The following DMD variants were observed in gnomAD, a reference collection of about 807,000 sequenced individuals.
The protein encoded by DMD is mutant dystrophin.
DMD carries 63 observed loss-of-function variants against 330.1 expected under a neutral mutation model. That is an observed-to-expected ratio of 0.19 (90% CI 0.16 to 0.24). The LOEUF (loss-of-function observed/expected upper bound fraction) is 0.24, where lower values mean the gene tolerates loss of function less well. Ranked by LOEUF, DMD falls within the 10% of genes least tolerant of loss-of-function variation. The pLI is 1.00. For synonymous variants in DMD, 1,223 were observed against 959.8 expected, an observed-to-expected ratio of 1.27 and a Z score of -5.07; for missense variants, 3,344 against 2,684.1, an observed-to-expected ratio of 1.25 and a Z score of -5.43.
intron 12 of DMD, among the ~76,000 whole-genome samples, chrX:32,607,352 C>T (rs914666096): frequency 9.1e-6 from 1 of 110,324 alleles, no homozygotes; most frequent in Non-Finnish European, 1.9e-5. Flanking sequence ...TTGGTAATCA[C>T]ATTATATTTC....
At chrX:32,047,739 T>C (rs2096073927) in intron 44 of DMD, among the ~76,000 whole-genome samples, 2 of 111,012 alleles carry the variant, frequency 1.8e-5, no homozygotes, top group Non-Finnish European at 3.8e-5. Context: ...AAAACAAAAA[T>C]TTACAGATTA....
Position 32,321,814 on chromosome X carries a change from G to A in DMD, c.5923-11538C>T, listed in dbSNP as rs188923784. Among the ~76,000 whole-genome samples the A allele has an allele frequency of 4.6e-3, 512 of 111,557 alleles. 1 individual carries two copies. The highest frequency in any genetic ancestry group is 5.3e-3 in the Non-Finnish European group (279 of 53,098). Reference sequence around the variant, plus strand: ...AGAAAATAAAGCAAAGGCTTTTTCAGAAGACACAAGGGGCTGGAGAGAAAG... The same window carrying A: ...AGAAAATAAAGCAAAGGCTTTTTCAAAAGACACAAGGGGCTGGAGAGAAAG... On this transcript the variant is annotated intron_variant, in intron 41 of 78. Transcript: ENST00000357033.
At chrX:32,721,829 T>C (rs748631099) in intron 7 of DMD, among the ~76,000 whole-genome samples, 1 of 110,546 alleles carries the variant, frequency 9.0e-6, no homozygotes, top group South Asian at 3.9e-4. Context: ...AGGTCTTATA[T>C]TTAAGTCTTT....
intron 43 of DMD, among the ~76,000 whole-genome samples, chrX:32,229,672 G>C (rs1230657705): frequency 1.5e-5 from 1 of 64,868 alleles, no homozygotes; most frequent in Non-Finnish European, 2.8e-5. Flanking sequence ...ATATCTCAAA[G>C]AGTTTCATCA....
intron 2 of DMD, among the ~76,000 whole-genome samples, chrX:33,017,757 C>A (rs1442693834): frequency 9.0e-6 from 1 of 111,059 alleles, no homozygotes; most frequent in East Asian, 2.8e-4. Context: ...CTTCTCAGAC[C>A]ACCCACACTG....
At chrX:32,178,940 T>TCTCTC in intron 44 of DMD, among the ~76,000 whole-genome samples, 1 of 68,614 alleles carries the variant, frequency 1.5e-5, no homozygotes, top group South Asian at 9.7e-4. Flanking sequence ...AAACCCCAGA[T>TCTCTC]TCTCTCTCTC....
At position 32,987,536 on chromosome X, in the gene DMD, A is replaced by G. The variant is rs1393536153; in HGVS notation, c.93+32603T>C. On this transcript the variant is annotated intron_variant, in intron 2 of 78. Transcript: ENST00000357033. ...GATTCCTACAGACACCTAAGTATAC[A>G]TAGTCCTATTTAATTGATTTCATTC... Among the ~76,000 whole-genome samples the G allele has an allele frequency of 5.4e-5, 6 of 111,846 alleles. No individual in the cohort carries two copies. In the East Asian group the frequency reaches 1.7e-3, roughly 31 times the overall value.
At chrX:31,940,913 T>C (rs2094989970) in intron 45 of DMD, among the ~76,000 whole-genome samples, 1 of 111,664 alleles carries the variant, frequency 9.0e-6, no homozygotes, top group Admixed American at 9.5e-5. Flanking sequence ...AAAAGCCTTC[T>C]ATTCAGAGAT....
At chrX:31,134,841 G>A (rs1352948951) in intron 76 of DMD, among the ~76,000 whole-genome samples, 2 of 112,332 alleles carry the variant, frequency 1.8e-5, no homozygotes, top group African/African-American at 6.5e-5. Context: ...CACATTCTGT[G>A]TATGCAACAA....
chrX:31,767,267 G>A (rs1023241282), intron 51 of DMD, among the ~76,000 whole-genome samples: 4 of 111,583 alleles, frequency 3.6e-5, no homozygotes, highest in African/African-American at 6.5e-5. Flanking sequence ...ATTGTTGATC[G>A]ATGAAAGAGA....
chrX:32,657,783 T>C (rs2060680099), intron 9 of DMD, among the ~76,000 whole-genome samples: 2 of 112,122 alleles, frequency 1.8e-5, no homozygotes, highest in Non-Finnish European at 3.8e-5. Context: ...AAATAAATTC[T>C]TAATGTTATT....
chrX:32,382,283 A>G (rs1325031758), intron 33 of DMD, among the ~76,000 whole-genome samples: 1 of 111,630 alleles, frequency 9.0e-6, no homozygotes, highest in Non-Finnish European at 1.9e-5. Context: ...TACCACCACC[A>G]CAAGTGCGTT....
At chrX:32,304,710 A>G (rs1222936364) in intron 42 of DMD, among the ~76,000 whole-genome samples, 1 of 111,515 alleles carries the variant, frequency 9.0e-6, no homozygotes, top group Non-Finnish European at 1.9e-5. Flanking sequence ...CCCAAGTCAT[A>G]TAAGCTGTTG....
intron 1 of DMD, among the ~76,000 whole-genome samples, chrX:33,127,575 T>G (rs1414332434): frequency 9.0e-6 from 1 of 111,040 alleles, no homozygotes; most frequent in African/African-American, 3.3e-5. Context: ...CTTCTTTGAT[T>G]AAAAACTTCT....
intron 55 of DMD, among the ~76,000 whole-genome samples, chrX:31,553,037 C>T (rs1014234755): frequency 1.8e-5 from 2 of 111,628 alleles, no homozygotes; most frequent in East Asian, 5.6e-4. Flanking sequence ...TCCCTTTCTT[C>T]AGAGCAGAGG....
chrX:32,336,271 C>A (rs2097715129), intron 41 of DMD, among the ~76,000 whole-genome samples: 1 of 111,127 alleles, frequency 9.0e-6, no homozygotes, highest in African/African-American at 3.3e-5. Context: ...CCACCTCGGC[C>A]TCACAAAGAG....
intron 11 of DMD, 117 bp from the exon 12 acceptor site, chrX:32,614,570 T>G: frequency 1.6e-6 from 1 of 618,492 alleles, no homozygotes. Context: ...GGGGCATCTA[T>G]TGGACATTGA....
intron 45 of DMD, among the ~76,000 whole-genome samples, chrX:31,934,788 T>C (rs1208604639): frequency 8.9e-6 from 1 of 112,015 alleles, no homozygotes; most frequent in Non-Finnish European, 1.9e-5. Flanking sequence ...ATAAGGACTT[T>C]AGTCATTAGC....
Position 32,660,267 on chromosome X carries a change from G to T in DMD, c.961-15115C>A, listed in dbSNP as rs2060860937. On this transcript the variant is annotated intron_variant, in intron 9 of 78. Coordinates refer to ENST00000357033, the MANE Select transcript of DMD (RefSeq NM_004006.3). ...AAAAAAAAAACTCAAAATCAGGGTG[G>T]GCTAAGTGATAAGAGCAATCACTTC... Among the ~76,000 whole-genome samples, 6 of 110,642 alleles carry T rather than the reference G, an allele frequency of 5.4e-5. No individual in the cohort carries two copies. In the South Asian group the frequency reaches 2.3e-3, roughly 42 times the overall value.
Sources: allele counts gnomAD v4.1 joint callset (sites outside exome capture counted in the v4.1 genomes callset), GRCh38; gene constraint gnomAD v4.1.1; transcripts MANE v1.5; gene names NCBI Gene and HGNC (gene_info 2026-07-23, HGNC 2026-07-21).